Variants in GTPBP6 observed in about 807,000 individuals in gnomAD.
GTPBP6 encodes putative GTP-binding protein 6.
Under a neutral mutation model 28.9 loss-of-function variants are expected in GTPBP6, and 33 were observed. The ratio of observed to expected loss-of-function variants is 1.14; its 90% CI spans 0.87 to 1.53. The LOEUF is 1.53. Ranked by LOEUF, GTPBP6 falls within the 40% of genes most tolerant of loss-of-function variation. The pLI is 0.00. For synonymous variants in GTPBP6, 231 were observed against 192.7 expected (o/e 1.20, Z -1.65); for missense variants, 507 against 408.3 (o/e 1.24, Z -2.08).
In GTPBP6 at chrX:308,926, G is replaced by A. The variant is rs188514478; in HGVS notation, c.1126-1046C>T. 4.5e-3 allele frequency among the ~76,000 whole-genome samples: 677 copies of A among 151,862 alleles called. 4 individuals are homozygous for A. The highest frequency in any genetic ancestry group is 0.015 in the African/African-American group (633 of 41,456). On this transcript the variant is annotated intron_variant, in intron 7 of 9. Coordinates refer to ENST00000326153, the Ensembl canonical transcript of GTPBP6. ...AATTTTTTATATTTTTAGTAGAGAC[G>A]GGATTTCGCCGTGGTCTCGATCTCC...
intron 6 of GTPBP6, 122 bp downstream of exon 6, chrX:312,644 G>A (rs377034208): frequency 3.8e-5 from 39 of 1,018,624 alleles, no homozygotes; most frequent in African/African-American, 1.6e-4. Flanking sequence ...TCCTGGGCAC[G>A]TGCTCACCGC....
intron 9 of GTPBP6, among the ~76,000 whole-genome samples, chrX:305,866 C>A: frequency 6.6e-6 from 1 of 152,264 alleles, no homozygotes; most frequent in Middle Eastern, 3.4e-3. Context: ...CCTTGTGGTC[C>A]GCCCACCTCG....
At chrX:305,265 A>T in intron 9 of GTPBP6, 68 bp from the exon 10 acceptor site, 2 of 1,190,372 alleles carry the variant, frequency 1.7e-6, no homozygotes, top group Non-Finnish European at 2.5e-6. Context: ...TTCATGATAA[A>T]TAATTACGCT....
In GTPBP6 at chrX:311,583, G is replaced by A. The variant is rs752990630; in HGVS notation, c.961C>T (p.Gln321Ter). ...GTGGCAAACAGCTGGTCCCGTGGCT[G>A]GATGGCGGCATCGCCCGTCAGTGCC... The change falls in exon 7 of 10, where the codon CAG (glutamine) becomes TAG (stop). Residue 321 changes from glutamine to a stop codon, truncating the protein, a stop_gained. Transcript: ENST00000326153. LOFTEE classifies it high-confidence loss of function. The A allele has an allele frequency of 1.9e-6, 3 of 1,612,212 alleles. No individual in the cohort carries two copies. The highest frequency in any genetic ancestry group is 2.2e-5 in the East Asian group (1 of 44,892).
chrX:318,677 G>A, exon 1 of GTPBP6: 1 of 393,898 alleles, frequency 2.5e-6, no homozygotes, highest in Non-Finnish European at 4.5e-6. Context: ...GGCCGACAGC[G>A]GCTAGCGCGC....
intron 7 of GTPBP6, among the ~76,000 whole-genome samples, chrX:311,199 G>GA (rs1292766541): frequency 2.0e-5 from 3 of 149,448 alleles, no homozygotes; most frequent in African/African-American, 7.4e-5. Flanking sequence ...GTGGGTGTCT[G>GA]AGGGCCCGGC....
chrX:314,383 G>A (rs1337470134), intron 4 of GTPBP6, among the ~76,000 whole-genome samples, 166 bp from the exon 5 acceptor site: 14 of 152,180 alleles, frequency 9.2e-5, no homozygotes, highest in Admixed American at 2.6e-4. Flanking sequence ...AGTGACGCGT[G>A]TCCCGGGCCG....
intron 7 of GTPBP6, among the ~76,000 whole-genome samples, chrX:308,422 A>C (rs1023183694): frequency 6.6e-6 from 1 of 152,112 alleles, no homozygotes; most frequent in Non-Finnish European, 1.5e-5. Context: ...ACTTAATACA[A>C]ATAATATTTT....
chrX:307,410 C>A, exon 9 of GTPBP6: 4 of 1,612,586 alleles, frequency 2.5e-6, no homozygotes, highest in South Asian at 1.1e-5. Context: ...TCTGTCTCCC[C>A]GTCGCCTTCA....
At chrX:306,075 T>G (rs2070156055) in intron 9 of GTPBP6, among the ~76,000 whole-genome samples, 1 of 152,218 alleles carries the variant, frequency 6.6e-6, no homozygotes, top group Non-Finnish European at 1.5e-5. Context: ...GAGCTTGCTT[T>G]CTTATTGGTA....
At chrX:316,988 T>C (rs2124478633) in exon 2 of GTPBP6, 1 of 398,688 alleles carries the variant, frequency 2.5e-6, no homozygotes, top group Non-Finnish European at 4.4e-6. Flanking sequence ...GACCATTGTC[T>C]GCACCACGGA....
chrX:311,333 C>A, intron 7 of GTPBP6, 86 bp downstream of exon 7: 2 of 700,572 alleles, frequency 2.9e-6, no homozygotes, highest in East Asian at 3.3e-5. Context: ...TCCGAGGGCC[C>A]GACCCCTGGC....
chrX:314,080 G>T, intron 5 of GTPBP6, 70 bp downstream of exon 5: 1 of 1,193,380 alleles, frequency 8.4e-7, no homozygotes, highest in Non-Finnish European at 1.2e-6. Flanking sequence ...TTCCAGGGCT[G>T]AGAAGGGTGG....
chrX:315,229 C>G, exon 3 of GTPBP6: 1 of 398,650 alleles, frequency 2.5e-6, no homozygotes. Context: ...CCTGTGGTAC[C>G]TTGGTCGGGG....
intron 1 of GTPBP6, among the ~76,000 whole-genome samples, chrX:318,049 C>A (rs2070473236): frequency 6.8e-6 from 1 of 146,328 alleles, no homozygotes. Flanking sequence ...TAGAGCCTGG[C>A]CCCCTGAAGC....
chrX:305,175 C>G (rs1175120198), exon 10 of GTPBP6: 1 of 1,613,676 alleles, frequency 6.2e-7, no homozygotes, highest in South Asian at 1.1e-5. Context: ...ACCTCCTGAA[C>G]TGTGGCCTCC....
At chrX:310,787 T>C (rs1293988902) in intron 7 of GTPBP6, among the ~76,000 whole-genome samples, 2 of 151,842 alleles carry the variant, frequency 1.3e-5, no homozygotes, top group Non-Finnish European at 2.9e-5. Context: ...GTAGAGCTGG[T>C]TCCTGTGGTT....
intron 1 of GTPBP6, among the ~76,000 whole-genome samples, chrX:317,557 G>C (rs2070459866): frequency 1.2e-5 from 1 of 86,286 alleles, no homozygotes. Flanking sequence ...TTTCCTCCTG[G>C]GGGGTGGGGG....
At chrX:315,335 GTC>G in intron 2 of GTPBP6, 36 bp from the exon 3 acceptor site, 1 of 398,520 alleles carries the variant, frequency 2.5e-6, no homozygotes, top group Non-Finnish European at 4.4e-6. Flanking sequence ...GAGGCTGGCC[GTC>G]CACACCCGTG....
Sources: allele counts gnomAD v4.1 joint callset (sites outside exome capture counted in the v4.1 genomes callset), GRCh38; gene constraint gnomAD v4.1.1; transcripts MANE v1.5; gene names NCBI Gene and HGNC (gene_info 2026-07-23, HGNC 2026-07-21).